The following ZNF577 variants were observed in gnomAD, a reference collection of about 807,000 sequenced individuals.
ZNF577 encodes zinc finger protein 577.
A neutral mutation model predicts 13.9 loss-of-function variants in ZNF577; 14 were observed. That is an observed-to-expected ratio of 1.00 (90% CI 0.66 to 1.57). The LOEUF is 1.57. Among genes scored for constraint, ZNF577 ranks in the 40% most tolerant of loss-of-function variants. The probability of loss-of-function intolerance (pLI) is 0.00; values close to 1 mark genes in which losing one functional copy is unlikely to be tolerated. For missense variants in ZNF577, 555 were observed against 579.2 expected, an observed-to-expected ratio of 0.96 and a Z score of 0.43; for synonymous variants, 203 against 202.9, an observed-to-expected ratio of 1.00 and a Z score of 0.00.
chr19:51,858,898 C>G (rs2084467081), intron 5 of ZNF577, among the ~76,000 whole-genome samples: 1 of 152,116 alleles, frequency 6.6e-6, no homozygotes, highest in Non-Finnish European at 1.5e-5. Context: ...TGAAGTTTAG[C>G]ACATTCACAA....
chr19:51,877,585 AAAAC>A (rs1051649778), intron 4 of ZNF577: 61 of 412,058 alleles, frequency 1.5e-4, no homozygotes, highest in South Asian at 6.4e-4. Flanking sequence ...TACTATCAAA[AAAAC>A]AAACAGACAA....
intron 3 of ZNF577, 65 bp downstream of exon 3, chr19:51,880,258 G>C (rs533896902): frequency 7.2e-6 from 11 of 1,528,836 alleles, no homozygotes; most frequent in Non-Finnish European, 9.0e-6. Flanking sequence ...TGAGGATACC[G>C]TCAACCACAA....
At chr19:51,808,359 G>T (rs2084074252) in intron 10 of ZNF577, among the ~76,000 whole-genome samples, 1 of 152,154 alleles carries the variant, frequency 6.6e-6, no homozygotes, top group Non-Finnish European at 1.5e-5. Context: ...CTTTTCTAGA[G>T]CTATTTTGAG....
At chr19:51,859,046 C>A (rs1172666157) in intron 5 of ZNF577, among the ~76,000 whole-genome samples, 1 of 152,116 alleles carries the variant, frequency 6.6e-6, no homozygotes, top group Admixed American at 6.5e-5. Context: ...CTTTATTTCT[C>A]TATAGATTTA....
chr19:51,847,193 G>A (rs1281592503), intron 5 of ZNF577, among the ~76,000 whole-genome samples: 2 of 152,070 alleles, frequency 1.3e-5, no homozygotes, highest in Non-Finnish European at 2.9e-5. Context: ...ATGAATTTTG[G>A]TTGTACAGGT....
rs763026655 is a variant in ZNF577, at chr19:51,824,859, GA to G, written c.*600-13186del. 8.7e-4 allele frequency: 1,167 copies of G among 1,347,654 alleles called. No individual in the cohort carries two copies. Among genetic ancestry groups the G allele is most frequent in the Non-Finnish European group, 1.0e-3 (1,023 of 1,004,156 alleles). 83.5% of individuals were successfully genotyped at this position (1,347,654 alleles called of 1,614,324 possible). A position where few individuals can be genotyped will look rare whatever the true frequency, so the allele number is the denominator to read the frequency against. On this transcript the variant is annotated intron_variant and NMD_transcript_variant, in intron 9 of 10. Transcript: ENST00000638827. This position sits in a 1 kb window ranked among gnomAD's most constrained non-coding sequence, Gnocchi z 4.7. ...GTCTCTTTCTACCCTGCGTTAAGCG[GA>G]AAAAAAAAATTCTGACAGTGTTTTT...
chr19:51,845,659 T>A (rs2084347834), intron 5 of ZNF577, among the ~76,000 whole-genome samples: 1 of 152,212 alleles, frequency 6.6e-6, no homozygotes, highest in Non-Finnish European at 1.5e-5. Context: ...GTAACCACCA[T>A]TCTACTCTCC....
chr19:51,828,912 T>C (rs2084246118), intron 9 of ZNF577, among the ~76,000 whole-genome samples: 1 of 152,134 alleles, frequency 6.6e-6, no homozygotes, highest in Admixed American at 6.5e-5. Context: ...CAGGTTTCAT[T>C]GTAATGAGGA....
chr19:51,835,411 T>TA (rs201214634), intron 9 of ZNF577, among the ~76,000 whole-genome samples: 54,282 of 141,650 alleles, frequency 0.38, 10,060 homozygotes, highest in South Asian at 0.49. Context: ...CAATACCCAT[T>TA]AAAAAAAAAA....
intron 9 of ZNF577, among the ~76,000 whole-genome samples, chr19:51,838,674 C>T (rs977727246): frequency 2.0e-5 from 3 of 149,290 alleles, no homozygotes; most frequent in Non-Finnish European, 3.0e-5. Flanking sequence ...TTTAAATATG[C>T]GTTTAACCTG....
At chr19:51,823,678 G>T in intron 9 of ZNF577, 1 of 1,281,914 alleles carries the variant, frequency 7.8e-7, no homozygotes, top group Non-Finnish European at 1.1e-6. Flanking sequence ...GGAAGTTAAT[G>T]AATAGTTGTA....
Position 51,824,079 on chromosome 19 carries a change from G to C in ZNF577, c.*600-12405C>G, listed in dbSNP as rs751161506. ...TGTTATGATAGACATCAACCTGTTT[G>C]TCAGTGTCTACCTGATCACCATCAT... On this transcript the variant is annotated intron_variant and NMD_transcript_variant, in intron 9 of 10. Transcript: ENST00000638827. This position sits in a 1 kb window ranked among gnomAD's most constrained non-coding sequence, Gnocchi z 4.7. The C allele has an allele frequency of 5.0e-6, 8 of 1,614,012 alleles. No individual in the cohort carries two copies. In the Admixed American group the frequency reaches 1.2e-4, roughly 24 times the overall value.
At chr19:51,823,953 C>T in intron 9 of ZNF577, 2 of 1,614,092 alleles carry the variant, frequency 1.2e-6, no homozygotes, top group Admixed American at 1.7e-5. Flanking sequence ...GAACCTGGCC[C>T]TAGCTGACTT....
rs1263268646 is a variant in ZNF577 at position 51,824,186 on chromosome 19, G to A, written c.*600-12512C>T. 1 of 1,614,068 alleles carries A rather than the reference G, an allele frequency of 6.2e-7. No individual in the cohort carries two copies. Among genetic ancestry groups the A allele is most frequent in the Non-Finnish European group, 8.5e-7 (1 of 1,180,034 alleles). The stretch of plus-strand genomic sequence containing the variant: ...CCATGAGTCTGGCCAAGAGGGTGAT[G>A]ACGGGACTCTGGATTTTCACCATAG... On this transcript the variant is annotated intron_variant and NMD_transcript_variant, in intron 9 of 10. Coordinates refer to the ZNF577 transcript ENST00000638827. This position sits in a 1 kb window ranked among gnomAD's most constrained non-coding sequence, Gnocchi z 4.7.
intron 10 of ZNF577, among the ~76,000 whole-genome samples, chr19:51,807,640 G>T (rs1222365449): frequency 2.0e-5 from 3 of 152,204 alleles, no homozygotes; most frequent in African/African-American, 7.2e-5. Flanking sequence ...AGTAAAATAA[G>T]TCTGTCCACC....
At chr19:51,874,472 A>G (rs2122671716) in intron 5 of ZNF577, among the ~76,000 whole-genome samples, 1 of 148,306 alleles carries the variant, frequency 6.7e-6, no homozygotes, top group South Asian at 2.2e-4. Context: ...AGAGGCAGAA[A>G]AAACTTAGGT....
Position 51,847,814 on chromosome 19 carries a change from C to G in ZNF577, c.284-2883G>C, listed in dbSNP as rs145199448. ...TCAAATGTAATCTCACACAGGAGTCCCGTGAATTTACTCCCTGGAAGGCAA... is the reference window on the plus strand; with the variant it reads ...TCAAATGTAATCTCACACAGGAGTCGCGTGAATTTACTCCCTGGAAGGCAA... On this transcript the variant is annotated intron_variant and NMD_transcript_variant, in intron 5 of 10. Coordinates refer to the ZNF577 transcript ENST00000638827. Among the ~76,000 whole-genome samples, 319 of 152,280 alleles carry G rather than the reference C, an allele frequency of 2.1e-3. 2 individuals carry two copies. Among genetic ancestry groups the G allele is most frequent in the African/African-American group, 7.4e-3 (308 of 41,558 alleles).
Position 51,824,222 on chromosome 19 carries a change from A to G in ZNF577, c.*600-12548T>C. On this transcript the variant is annotated intron_variant and NMD_transcript_variant, in intron 9 of 10. Coordinates refer to the ZNF577 transcript ENST00000638827. This position sits in a 1 kb window ranked among gnomAD's most constrained non-coding sequence, Gnocchi z 4.7. Reference sequence around the variant, plus strand: ...GGATTTTCACCATAGTCCTTACCTTACCAAATTTCATCTTCTGGACTACAA... The same window carrying G: ...GGATTTTCACCATAGTCCTTACCTTGCCAAATTTCATCTTCTGGACTACAA... 6.2e-7 allele frequency: 1 copy of G among 1,614,074 alleles called. No homozygotes were observed. Among genetic ancestry groups the G allele is most frequent in the African/African-American group, 1.3e-5 (1 of 74,998 alleles).
At chr19:51,827,996 C>T (rs1046095375) in intron 9 of ZNF577, among the ~76,000 whole-genome samples, 2 of 152,058 alleles carry the variant, frequency 1.3e-5, no homozygotes, top group Non-Finnish European at 2.9e-5. Context: ...TTCATTTGCA[C>T]GTTTGACTCC....
Sources: allele counts gnomAD v4.1 joint callset (sites outside exome capture counted in the v4.1 genomes callset), GRCh38; gene constraint gnomAD v4.1.1; non-coding constraint Gnocchi (gnomAD v3.1); transcripts MANE v1.5; gene names NCBI Gene and HGNC (gene_info 2026-07-23, HGNC 2026-07-21).